AKT3: variants seen among roughly 807,000 people sequenced by gnomAD.
AKT3 encodes the protein AKT serine/threonine kinase 3, also known as RAC-gamma serine/threonine-protein kinase.
In AKT3, 15 loss-of-function variants were observed where a neutral mutation model predicts 65.3. The observed-to-expected ratio is 0.23, with a 90% CI of 0.15 to 0.35. The LOEUF (loss-of-function observed/expected upper bound fraction) is 0.35, where lower values mean the gene tolerates loss of function less well. Ranked by LOEUF, AKT3 falls within the 10% of genes least tolerant of loss-of-function variation. The pLI, the probability that AKT3 is intolerant of heterozygous loss-of-function variation, is 1.00. For synonymous variants in AKT3, 206 were observed against 183.8 expected, an observed-to-expected ratio of 1.12 and a Z score of -0.98; for missense variants, 243 against 576.5, an observed-to-expected ratio of 0.42 and a Z score of 5.92.
chr1:243,645,787 A>T, intron 5 of AKT3, 106 bp downstream of exon 5: 1 of 1,136,320 alleles, frequency 8.8e-7, no homozygotes, highest in Non-Finnish European at 1.2e-6. Context: ...CAATATATTT[A>T]CATATCGTAA....
At chr1:243,849,457 G>A (rs1260549474) in intron 1 of AKT3, among the ~76,000 whole-genome samples, 1 of 147,946 alleles carries the variant, frequency 6.8e-6, no homozygotes, top group Admixed American at 6.8e-5. Flanking sequence ...GGGAAGGAAG[G>A]AGACCCCGGG....
At chr1:243,688,340 T>C (rs898478845) in intron 3 of AKT3, among the ~76,000 whole-genome samples, 5 of 151,952 alleles carry the variant, frequency 3.3e-5, no homozygotes, top group African/African-American at 1.2e-4. Flanking sequence ...TGAAAAGATA[T>C]AGGCTATAAA....
At chr1:243,527,930 CACACACAGAGAGAGAGAG>C (rs1558590348) in intron 12 of AKT3, among the ~76,000 whole-genome samples, 1 of 40,452 alleles carries the variant, frequency 2.5e-5, no homozygotes, top group African/African-American at 7.7e-5. Flanking sequence ...CACACACACA[CACACACAGAGAGAGAGAG>C]AGAGAGAGAG....
At chr1:243,815,679 C>A (rs1221899914) in intron 2 of AKT3, among the ~76,000 whole-genome samples, 3 of 149,598 alleles carry the variant, frequency 2.0e-5, no homozygotes, top group Non-Finnish European at 4.4e-5. Flanking sequence ...CTCACTGCAA[C>A]CCCCACCTCC....
intron 5 of AKT3, among the ~76,000 whole-genome samples, chr1:243,641,258 G>GTATATATATA (rs74162300): frequency 1.3e-4 from 19 of 141,156 alleles, no homozygotes; most frequent in Non-Finnish European, 2.3e-4. Flanking sequence ...ATGTGTGTGT[G>GTATATATATA]TATATATATA....
intron 2 of AKT3, among the ~76,000 whole-genome samples, chr1:243,780,046 A>G (rs1690805731): frequency 6.6e-6 from 1 of 152,162 alleles, no homozygotes; most frequent in African/African-American, 2.4e-5. Context: ...ATAAATCATT[A>G]ATAATGTATT....
At chr1:243,690,545 C>A (rs949090529) in intron 3 of AKT3, among the ~76,000 whole-genome samples, 3 of 152,054 alleles carry the variant, frequency 2.0e-5, no homozygotes, top group Non-Finnish European at 2.9e-5. Flanking sequence ...ACATTGGCAC[C>A]TATATATTAA....
intron 5 of AKT3, among the ~76,000 whole-genome samples, chr1:243,643,177 T>A (rs1272585179): frequency 2.6e-5 from 4 of 152,198 alleles, no homozygotes; most frequent in African/African-American, 7.2e-5. Flanking sequence ...ATTGTTCTTT[T>A]TTTCCTTCTC....
intron 2 of AKT3, among the ~76,000 whole-genome samples, chr1:243,757,023 T>C (rs528009007): frequency 1.3e-5 from 2 of 152,336 alleles, no homozygotes; most frequent in Non-Finnish European, 2.9e-5. Flanking sequence ...GCATGTAATC[T>C]TTAAAAGCAT....
chr1:243,778,717 C>T (rs143121828), intron 2 of AKT3, among the ~76,000 whole-genome samples: 26 of 152,192 alleles, frequency 1.7e-4, no homozygotes, highest in African/African-American at 5.3e-4. Context: ...AAAAATCAAA[C>T]GTTAAAAAGG....
chr1:243,509,562 T>C (rs1012689312), intron 13 of AKT3, among the ~76,000 whole-genome samples: 5 of 152,166 alleles, frequency 3.3e-5, no homozygotes, highest in African/African-American at 1.2e-4. Flanking sequence ...TTTGATTTGC[T>C]CTGGTCTTTC....
At chr1:243,745,174 C>T (rs561013487) in intron 2 of AKT3, among the ~76,000 whole-genome samples, 55 of 151,796 alleles carry the variant, frequency 3.6e-4, no homozygotes, top group African/African-American at 7.0e-4. Flanking sequence ...CCGTCCTCTA[C>T]GGAAAATTTA....
At chr1:243,537,682 C>A (rs1672024721) in intron 12 of AKT3, among the ~76,000 whole-genome samples, 1 of 152,268 alleles carries the variant, frequency 6.6e-6, no homozygotes, top group South Asian at 2.1e-4. Flanking sequence ...CATTTCCTTA[C>A]TTCAGCATCT....
intron 2 of AKT3, among the ~76,000 whole-genome samples, chr1:243,775,356 AT>A (rs930852673): frequency 6.6e-6 from 1 of 152,014 alleles, no homozygotes; most frequent in African/African-American, 2.4e-5. Context: ...AATTTTTTGT[AT>A]TTTTAGTAGA....
At chr1:243,755,664 C>G (rs574534683) in intron 2 of AKT3, among the ~76,000 whole-genome samples, 15 of 152,176 alleles carry the variant, frequency 9.9e-5, no homozygotes, top group African/African-American at 3.6e-4. Context: ...CATAACAAGC[C>G]TTAAGTTAGT....
At chr1:243,777,916 C>T (rs1015037420) in intron 2 of AKT3, among the ~76,000 whole-genome samples, 25 of 152,116 alleles carry the variant, frequency 1.6e-4, no homozygotes, top group Non-Finnish European at 3.5e-4. Flanking sequence ...TTTTCCTTTT[C>T]TCCCTGACTC....
intron 2 of AKT3, among the ~76,000 whole-genome samples, chr1:243,839,542 A>T: frequency 6.6e-6 from 1 of 152,230 alleles, no homozygotes; most frequent in African/African-American, 2.4e-5. Context: ...ATTAATACTT[A>T]TCATTTTCAA....
intron 6 of AKT3, among the ~76,000 whole-genome samples, chr1:243,632,048 T>A (rs1679648829): frequency 1.3e-5 from 2 of 152,206 alleles, no homozygotes; most frequent in South Asian, 4.1e-4. Context: ...CCTATTAATG[T>A]TGATATTCTG....
rs1251537550 is a variant in AKT3 at position 243,821,507 on chromosome 1, A to C, written c.46+21618T>G. 3.3e-5 allele frequency among the ~76,000 whole-genome samples: 5 copies of C among 152,330 alleles called. No individual in the cohort carries two copies. The East Asian group carries it at 9.6e-4, about 29-fold the overall frequency. On this transcript the variant is annotated intron_variant, in intron 2 of 13. Transcript: ENST00000673466. ...GAATGGCTAGCTGCATAAACAATCA[A>C]GACCCATCAGTGTGCTGTATTCAAG...
Sources: gnomAD v4.1 joint callset for allele counts (sites outside exome capture counted in the v4.1 genomes callset) on GRCh38, gnomAD v4.1.1 for gene constraint, MANE v1.5 for transcripts, NCBI Gene and HGNC (gene_info 2026-07-23, HGNC 2026-07-21) for gene names.